The following TENM1 variants were observed in gnomAD, a reference collection of about 807,000 sequenced individuals.
TENM1 encodes teneurin-1.
TENM1 carries 35 observed loss-of-function variants against 174.8 expected under a neutral mutation model. The observed-to-expected ratio is 0.20, with a 90% CI of 0.15 to 0.27. The LOEUF (loss-of-function observed/expected upper bound fraction) is 0.27. TENM1 is among the 10% of genes least tolerant of loss of function. The pLI is 1.00. For synonymous variants in TENM1, 781 were observed against 798.7 expected (o/e 0.98, Z 0.37); for missense variants, 1,633 against 2,130.1 (o/e 0.77, Z 4.59).
chrX:125,012,093 G>A, the TENM1 span, among the ~76,000 whole-genome samples: 2 of 111,412 alleles, frequency 1.8e-5, no homozygotes, highest in Non-Finnish European at 3.8e-5. Flanking sequence ...AACAGAAAAC[G>A]AAACACCACA....
the TENM1 span, among the ~76,000 whole-genome samples, chrX:125,052,332 C>T: frequency 8.9e-6 from 1 of 111,740 alleles, no homozygotes; most frequent in Non-Finnish European, 1.9e-5. Context: ...AGGAACAGTA[C>T]CAAATGGCTC....
At chrX:124,939,307 C>G (rs2058291575) in intron 1 of TENM1, among the ~76,000 whole-genome samples, 1 of 111,097 alleles carries the variant, frequency 9.0e-6, no homozygotes, top group South Asian at 3.9e-4. Flanking sequence ...CCTCTCCTAA[C>G]TTCTGCTCTT....
chrX:124,736,871 G>A, intron 4 of TENM1, 86 bp downstream of exon 7: 2 of 1,087,983 alleles, frequency 1.8e-6, no homozygotes, highest in Admixed American at 2.7e-5. Flanking sequence ...CTCTGCAGAT[G>A]TGTGTGATGA....
chrX:125,194,148 G>A, the TENM1 span, among the ~76,000 whole-genome samples: 1 of 110,825 alleles, frequency 9.0e-6, no homozygotes, highest in South Asian at 3.9e-4. Context: ...GTCTCACATC[G>A]AATAAGTCCA....
chrX:124,830,581 C>T (rs2056268083), intron 3 of TENM1, among the ~76,000 whole-genome samples: 1 of 111,649 alleles, frequency 9.0e-6, no homozygotes, highest in Non-Finnish European at 1.9e-5. Context: ...TGATCTTGAA[C>T]ATGTGAGATA....
the TENM1 span, among the ~76,000 whole-genome samples, chrX:124,987,701 T>TTGTGTGTGTG: frequency 0.064 from 5,846 of 91,258 alleles, 211 homozygotes; most frequent in Non-Finnish European, 0.08. Context: ...GTTCTGCATT[T>TTGTGTGTGTG]TGTGTGTGTG....
chrX:125,162,753 TGAAGA>T, the TENM1 span, among the ~76,000 whole-genome samples: 1 of 111,823 alleles, frequency 8.9e-6, no homozygotes, highest in South Asian at 3.8e-4. Context: ...ATCTAAATTT[TGAAGA>T]TAAGATGACT....
chrX:124,800,961 G>A (rs1345714483), intron 3 of TENM1, among the ~76,000 whole-genome samples: 1 of 111,861 alleles, frequency 8.9e-6, no homozygotes, highest in Non-Finnish European at 1.9e-5. Context: ...TGTTGTCTGA[G>A]AGACTGTTAT....
chrX:124,460,004 A>C (rs1268404988), intron 22 of TENM1, among the ~76,000 whole-genome samples: 1 of 112,481 alleles, frequency 8.9e-6, no homozygotes, highest in African/African-American at 3.2e-5. Context: ...ATCATTAGAG[A>C]AATGCAAATC....
chrX:124,827,349 G>T (rs2056189360), intron 3 of TENM1, among the ~76,000 whole-genome samples: 1 of 111,652 alleles, frequency 9.0e-6, no homozygotes, highest in African/African-American at 3.3e-5. Flanking sequence ...GCGCCCAGTT[G>T]GTTTTTAAAA....
rs570284926 is a variant in TENM1 at position 124,637,035 on chromosome X, C to T, written c.2077+4756G>A. On this transcript the variant is annotated intron_variant, in intron 11 of 31. Coordinates refer to ENST00000422452, the Ensembl canonical transcript of TENM1. ...TGGAGTCAGTGAAATTCCTGTCTCC[C>T]CTTATACCCACATAGTCACCAAGTG... is the stretch of plus-strand genomic sequence containing the variant. Among the ~76,000 whole-genome samples, 6 of 111,099 alleles carry T rather than the reference C, an allele frequency of 5.4e-5. No individual in the cohort carries two copies. The South Asian group carries it at 1.5e-3, about 29-fold the overall frequency.
the TENM1 span, among the ~76,000 whole-genome samples, chrX:125,199,541 G>A: frequency 9.9e-4 from 111 of 112,063 alleles, no homozygotes; most frequent in African/African-American, 3.5e-3. Context: ...CCAAGAGGTA[G>A]TGGTTAGTTG....
chrX:124,985,559 T>C, the TENM1 span, among the ~76,000 whole-genome samples: 6 of 112,200 alleles, frequency 5.3e-5, no homozygotes, highest in African/African-American at 1.6e-4. Flanking sequence ...GCATGAGCGG[T>C]AATCATTTAC....
At chrX:124,523,303 A>G in intron 17 of TENM1, 61 bp downstream of exon 20, 1 of 1,112,300 alleles carries the variant, frequency 9.0e-7, no homozygotes. Flanking sequence ...TTTAGCTATT[A>G]TACACTGTTG....
At chrX:125,063,280 AT>A in the TENM1 span, among the ~76,000 whole-genome samples, 1 of 111,679 alleles carries the variant, frequency 9.0e-6, no homozygotes, top group African/African-American at 3.3e-5. Flanking sequence ...ATGGACTTCA[AT>A]TTTTTTGCAC....
intron 30 of TENM1, 125 bp from the exon 34 acceptor site, chrX:124,382,937 CCTAT>C (rs1437343004): frequency 2.6e-5 from 4 of 154,171 alleles, no homozygotes; most frequent in African/African-American, 2.0e-4. Context: ...GAATAAAACT[CCTAT>C]TTATTTATTT....
the TENM1 span, among the ~76,000 whole-genome samples, chrX:125,174,738 A>G: frequency 1.1e-4 from 12 of 111,722 alleles, no homozygotes; most frequent in African/African-American, 3.9e-4. Flanking sequence ...ATGTCTAAAC[A>G]AGAGAAAACA....
chrX:124,648,153 A>G (rs763983731), intron 8 of TENM1, among the ~76,000 whole-genome samples: 1 of 112,345 alleles, frequency 8.9e-6, no homozygotes, highest in African/African-American at 3.2e-5. Context: ...CCAGTCATCT[A>G]CATTCTGACA....
chrX:124,805,585 T>C (rs2055572737), intron 3 of TENM1, among the ~76,000 whole-genome samples: 1 of 112,937 alleles, frequency 8.9e-6, no homozygotes, highest in African/African-American at 3.2e-5. Flanking sequence ...TGTGTGTCCC[T>C]GCTGGATATC....
Sources: allele counts gnomAD v4.1 joint callset (sites outside exome capture counted in the v4.1 genomes callset), GRCh38; gene constraint gnomAD v4.1.1; transcripts MANE v1.5; gene names NCBI Gene and HGNC (gene_info 2026-07-23, HGNC 2026-07-21).